The following PTPRD variants were observed in gnomAD, a reference collection of about 807,000 sequenced individuals.
PTPRD encodes the protein protein tyrosine phosphatase receptor type D.
A neutral mutation model predicts 214.5 loss-of-function variants in PTPRD; 34 were observed. That is an observed-to-expected ratio of 0.16 (90% CI 0.12 to 0.21). The LOEUF (loss-of-function observed/expected upper bound fraction) is 0.21, where lower values mean the gene tolerates loss of function less well. Ranked by LOEUF, PTPRD falls within the 10% of genes least tolerant of loss-of-function variation. The pLI, the probability that PTPRD is intolerant of heterozygous loss-of-function variation, is 1.00. For synonymous variants in PTPRD, 1,128 were observed against 845.7 expected, an observed-to-expected ratio of 1.33 and a Z score of -5.79; for missense variants, 2,545 against 2,398.7, an observed-to-expected ratio of 1.06 and a Z score of -1.27.
At chr9:10,241,406 C>T (rs538675940) in intron 3 of PTPRD, among the ~76,000 whole-genome samples, 1 of 151,898 alleles carries the variant, frequency 6.6e-6, no homozygotes, top group Non-Finnish European at 1.5e-5. Flanking sequence ...AATAAACGTT[C>T]ATAGAAGCTT....
intron 6 of PTPRD, among the ~76,000 whole-genome samples, chr9:9,753,093 A>G (rs1220260832): frequency 6.6e-6 from 1 of 152,054 alleles, no homozygotes; most frequent in Non-Finnish European, 1.5e-5. Context: ...TAATACAACA[A>G]ACTTTGTTTC....
At chr9:8,517,295 A>T (rs187483431) in intron 21 of PTPRD, among the ~76,000 whole-genome samples, 1 of 152,252 alleles carries the variant, frequency 6.6e-6, no homozygotes, top group Admixed American at 6.5e-5. Flanking sequence ...ATCAGGCCCA[A>T]TGTTCTATCT....
intron 11 of PTPRD, among the ~76,000 whole-genome samples, chr9:8,978,888 A>G (rs897353859): frequency 6.6e-6 from 1 of 152,166 alleles, no homozygotes; most frequent in African/African-American, 2.4e-5. Flanking sequence ...GAAAACGTCT[A>G]ACACTTTGCA....
intron 9 of PTPRD, among the ~76,000 whole-genome samples, chr9:9,272,663 G>A (rs577014849): frequency 1.3e-5 from 2 of 151,382 alleles, no homozygotes; most frequent in African/African-American, 4.8e-5. Context: ...AACATTTTGA[G>A]ACTTTTCTGT....
chr9:9,453,972 T>A (rs765209415), intron 8 of PTPRD, among the ~76,000 whole-genome samples: 1 of 151,794 alleles, frequency 6.6e-6, no homozygotes, highest in Non-Finnish European at 1.5e-5. Context: ...TTTCTCTATA[T>A]CTGTCATATT....
chr9:10,394,094 ATCTC>A (rs1038670098), intron 2 of PTPRD, among the ~76,000 whole-genome samples: 17 of 144,898 alleles, frequency 1.2e-4, no homozygotes, highest in Admixed American at 2.8e-4. Flanking sequence ...AAACATATCT[ATCTC>A]TCTCTATATA....
intron 4 of PTPRD, among the ~76,000 whole-genome samples, chr9:10,016,393 A>ATAGATAGATAGATAGG (rs56040812): frequency 0.062 from 9,223 of 149,960 alleles, 322 homozygotes; most frequent in Non-Finnish European, 0.073. Context: ...AGATAGATAG[A>ATAGATAGATAGATAGG]TAGACAGATA....
intron 11 of PTPRD, among the ~76,000 whole-genome samples, chr9:8,795,062 T>C (rs1445670949): frequency 6.6e-6 from 1 of 152,148 alleles, no homozygotes; most frequent in Non-Finnish European, 1.5e-5. Context: ...TGGAACCTTT[T>C]CAAATCTTCC....
chr9:8,781,677 GAA>G (rs2095704772), intron 11 of PTPRD, among the ~76,000 whole-genome samples: 1 of 134,838 alleles, frequency 7.4e-6, no homozygotes, highest in Admixed American at 7.6e-5. Flanking sequence ...GAAATGAAAT[GAA>G]TTCCAAGGCT....
intron 11 of PTPRD, among the ~76,000 whole-genome samples, chr9:8,798,598 G>A (rs948902914): frequency 6.6e-6 from 1 of 152,148 alleles, no homozygotes; most frequent in Admixed American, 6.5e-5. Context: ...TCGTCTAAAA[G>A]CTGTGACTTT....
chr9:8,359,613 C>G (rs7035511), intron 39 of PTPRD, among the ~76,000 whole-genome samples: 1 of 152,068 alleles, frequency 6.6e-6, no homozygotes, highest in South Asian at 2.1e-4. Flanking sequence ...GGATTATAGG[C>G]GTGAGCCACC....
At chr9:8,929,811 A>G (rs369864282) in intron 11 of PTPRD, among the ~76,000 whole-genome samples, 14,303 of 89,560 alleles carry the variant, frequency 0.16, 4,198 homozygotes, top group East Asian at 0.62. Flanking sequence ...ATATATGTGT[A>G]TATATATGTG....
At chr9:9,947,503 TA>T (rs1566621191) in intron 4 of PTPRD, among the ~76,000 whole-genome samples, 27 of 31,600 alleles carry the variant, frequency 8.5e-4, no homozygotes, top group African/African-American at 3.0e-3. Context: ...ATATATATTT[TA>T]TATATATAAT....
intron 26 of PTPRD, among the ~76,000 whole-genome samples, chr9:8,493,816 G>T (rs1206073991): frequency 6.6e-6 from 1 of 152,026 alleles, no homozygotes; most frequent in South Asian, 2.1e-4. Flanking sequence ...CTTAGTCAGG[G>T]CCCAAAGCTG....
At chr9:10,133,102 G>C (rs944784309) in intron 3 of PTPRD, among the ~76,000 whole-genome samples, 1 of 152,102 alleles carries the variant, frequency 6.6e-6, no homozygotes, top group Non-Finnish European at 1.5e-5. Context: ...CCAGCACACA[G>C]CCAACGAGGA....
intron 3 of PTPRD, among the ~76,000 whole-genome samples, chr9:10,327,833 G>C (rs930733420): frequency 1.3e-5 from 2 of 151,706 alleles, no homozygotes; most frequent in Non-Finnish European, 2.9e-5. Flanking sequence ...AAGGTCTCCT[G>C]TCAGGGCTGT....
intron 5 of PTPRD, among the ~76,000 whole-genome samples, chr9:9,815,918 C>A (rs556323074): frequency 6.6e-6 from 1 of 152,252 alleles, no homozygotes; most frequent in African/African-American, 2.4e-5. Context: ...GTTCTCACCA[C>A]ACATACACAA....
chr9:9,218,219 G>C (rs573476520), intron 9 of PTPRD, among the ~76,000 whole-genome samples: 1 of 152,200 alleles, frequency 6.6e-6, no homozygotes, highest in South Asian at 2.1e-4. Context: ...TCAAACTTCT[G>C]TCTTGTTTTG....
intron 2 of PTPRD, among the ~76,000 whole-genome samples, chr9:10,527,410 GA>G (rs2054640791): frequency 1.3e-5 from 2 of 152,112 alleles, no homozygotes; most frequent in African/African-American, 4.8e-5. Flanking sequence ...ACTGAATACA[GA>G]TTATGTATTC....
Sources: gnomAD v4.1 joint callset for allele counts (sites outside exome capture counted in the v4.1 genomes callset) on GRCh38, gnomAD v4.1.1 for gene constraint, MANE v1.5 for transcripts, NCBI Gene and HGNC (gene_info 2026-07-23, HGNC 2026-07-21) for gene names.